The following TAOK2 variants were observed in gnomAD, a reference collection of about 807,000 sequenced individuals.
The protein encoded by TAOK2 is TAO kinase 2, also known as serine/threonine-protein kinase TAO2.
In TAOK2, 42 loss-of-function variants were observed where a neutral mutation model predicts 122.5. The ratio of observed to expected loss-of-function variants is 0.34; its 90% CI spans 0.27 to 0.44. The LOEUF (loss-of-function observed/expected upper bound fraction) is 0.44. TAOK2 is among the 20% of genes least tolerant of loss of function. TAOK2 has a pLI of 1.00. For synonymous variants in TAOK2, 704 were observed against 677.6 expected (o/e 1.04, Z -0.61); for missense variants, 1,264 against 1,644.9 (o/e 0.77, Z 4.01).
At position 29,979,157 on chromosome 16, in the gene TAOK2, GA is replaced by G. The variant is rs1476246510; in HGVS notation, c.450-37del. On this transcript the variant is annotated intron_variant, in intron 6 of 15. Transcript: ENST00000308893. This position sits in a 1 kb window ranked among gnomAD's most constrained non-coding sequence, Gnocchi z 4.1. ...TGGGCTGCCCCTGCCTAGCTTTCTT[GA>G]GACACATGTCTCATCCCTGTACTTT... The G allele has an allele frequency of 1.9e-6, 3 of 1,613,564 alleles. No homozygotes were observed. Among genetic ancestry groups the G allele is most frequent in the Non-Finnish European group, 2.5e-6 (3 of 1,179,616 alleles).
In TAOK2 at chr16:29,981,952, C is replaced by T. The variant is rs1038595671; in HGVS notation, c.831+12C>T. On this transcript the variant is annotated intron_variant, in intron 10 of 15. Coordinates refer to ENST00000308893, the MANE Select transcript of TAOK2 (RefSeq NM_016151.4). ...AGGTTCTCCTGAAGGTGAGGGCCTG[C>T]TGGCCTAGCATTCTCCTGGAACTGT... 1 of 1,605,536 alleles carries T rather than the reference C, an allele frequency of 6.2e-7. No homozygotes were observed. The highest frequency in any genetic ancestry group is 8.5e-7 in the Non-Finnish European group (1 of 1,173,456).
At chr16:29,990,611 G>C (rs2069943350), downstream of TAOK2, 1 of 548,044 alleles carries the variant, frequency 1.8e-6, no homozygotes, top group Non-Finnish European at 3.0e-6. Flanking sequence ...AGTATACCTG[G>C]GGGATAGATT....
downstream of TAOK2, chr16:29,991,816 C>T (rs2069976538): frequency 2.4e-6 from 1 of 422,724 alleles, no homozygotes; most frequent in Non-Finnish European, 4.1e-6. This position sits in a 1 kb window ranked among gnomAD's most constrained non-coding sequence, Gnocchi z 5.6. Flanking sequence ...CTCCCTCCGC[C>T]ACCTAGGAAA....
Position 29,985,994 on chromosome 16 carries a change from C to G in TAOK2, c.1992+133C>G, listed in dbSNP as rs984975126. 5.1e-6 allele frequency: 6 copies of G among 1,173,666 alleles called. No individual in the cohort carries two copies. In the East Asian group the frequency reaches 1.5e-4, roughly 30 times the overall value. 72.7% of individuals were successfully genotyped at this position (1,173,666 alleles called of 1,614,324 possible). ...TACAGTTCAGCTTTGCTTCAGTGCC[C>G]CTTTTACTTCTCATCCCCAACAGAC... On this transcript the variant is annotated intron_variant, in intron 15 of 15. Transcript: ENST00000308893. The surrounding 1 kb of genome is among the most constrained non-coding windows in gnomAD (Gnocchi z 6.9).
rs2069874037 is a variant in TAOK2, at chr16:29,988,134, G to T, written c.*154G>T. 5 of 1,432,174 alleles carry T rather than the reference G, an allele frequency of 3.5e-6. No homozygotes were observed. Among genetic ancestry groups the T allele is most frequent in the Non-Finnish European group, 4.6e-6 (5 of 1,098,106 alleles). 88.7% of individuals were successfully genotyped at this position (1,432,174 alleles called of 1,614,324 possible). A position where few individuals can be genotyped will look rare whatever the true frequency, so the allele number is the denominator to read the frequency against. On this transcript the variant is annotated 3_prime_UTR_variant, in exon 16 of 16. Coordinates refer to ENST00000308893, the MANE Select transcript of TAOK2 (RefSeq NM_016151.4). Reference sequence around the variant, plus strand: ...CCCAGCCCTTCGGACCTCTAGACAGGCAGCCTCCTCAGCTGTGGAGTCCAG... The same window carrying T: ...CCCAGCCCTTCGGACCTCTAGACAGTCAGCCTCCTCAGCTGTGGAGTCCAG...
In TAOK2 at chr16:29,974,209, GGTAACAGTCCTCATA is replaced by G. The variant is rs1332902292; in HGVS notation, c.-472_-458del. Reference sequence around the variant, plus strand: ...CCCCTCCTCCTTTCTCAGATACCCGGGTAACAGTCCTCATAGTCCAGATATCCGGGACTCGGGTCC... The same window carrying G: ...CCCCTCCTCCTTTCTCAGATACCCGGGTCCAGATATCCGGGACTCGGGTCC... On this transcript the variant is annotated 5_prime_UTR_variant, in exon 1 of 16. Coordinates refer to ENST00000308893, the MANE Select transcript of TAOK2 (RefSeq NM_016151.4). 5 of 152,502 alleles carry G rather than the reference GGTAACAGTCCTCATA, an allele frequency of 3.3e-5. No homozygotes were observed. In the East Asian group the frequency reaches 7.7e-4, roughly 24 times the overall value. The allele number at this position is 152,502 out of a possible 1,614,324, so 9.4% of individuals were successfully genotyped here.
intron 4 of TAOK2, among the ~76,000 whole-genome samples, 161 bp downstream of exon 4, chr16:29,978,514 G>A (rs1481958214): frequency 6.6e-6 from 1 of 152,180 alleles, no homozygotes; most frequent in African/African-American, 2.4e-5. Context: ...TACCCACTGA[G>A]CAAAAGCCTG....
At chr16:29,975,964 AG>A (rs1191940232) in intron 1 of TAOK2, among the ~76,000 whole-genome samples, 2 of 152,242 alleles carry the variant, frequency 1.3e-5, no homozygotes, top group Non-Finnish European at 2.9e-5. Flanking sequence ...AGCATAGCTT[AG>A]GAACAGATAG....
Position 29,986,544 on chromosome 16 carries a change from ATTCCTGGG to A in TAOK2, c.2273_2280del (p.Ile758SerfsTer65). Reference sequence around the variant, plus strand: ...GCGCCCCCCGGGCCTTCCACTCCCCATTCCTGGGGCTCTGGGCCCACCCAACACAGGCA... The same window carrying A: ...GCGCCCCCCGGGCCTTCCACTCCCCAGCTCTGGGCCCACCCAACACAGGCA... On this transcript the variant is annotated frameshift_variant, in exon 16 of 16. Coordinates refer to ENST00000308893, the MANE Select transcript of TAOK2 (RefSeq NM_016151.4). LOFTEE classifies it high-confidence loss of function. This position sits in a 1 kb window ranked among gnomAD's most constrained non-coding sequence, Gnocchi z 4.2. 1 of 1,613,646 alleles carries A rather than the reference ATTCCTGGG, an allele frequency of 6.2e-7. No individual in the cohort carries two copies. The highest frequency in any genetic ancestry group is 8.5e-7 in the Non-Finnish European group (1 of 1,179,848).
chr16:29,983,547 C>T lies in TAOK2; in HGVS notation c.1305C>T (p.Thr435=). The part of the protein sequence containing the change: ...LYDDPYQPEI[T]PSPLQPPAAP... ...ATGACCCCTACCAGCCAGAGATAAC[C>T]CCCAGCCCTCTCCAGCCGCCTGCAG... Residue 435 remains threonine, a synonymous_variant, in exon 13 of 16, where the codon ACC becomes ACT. Coordinates refer to ENST00000308893, the MANE Select transcript of TAOK2 (RefSeq NM_016151.4). 1 of 1,613,924 alleles carries T rather than the reference C, an allele frequency of 6.2e-7. No homozygotes were observed.
rs1234073466 is a variant in TAOK2 at position 29,981,747 on chromosome 16, G to A, written c.742G>A (p.Gly248Arg). The change falls in exon 9 of 16, where the codon GGA becomes AGA. Residue 248 changes from glycine to arginine, a missense_variant. By Grantham distance (125) the Gly-to-Arg change is moderately radical. Transcript: ENST00000308893. ...AQNESPVLQS[G>R]HWSEYFRNFV... is the part of the protein sequence containing the mutation. The stretch of plus-strand genomic sequence containing the variant: ...GAACGAATCCCCCGTGCTCCAGTCA[G>A]GACACTGGTGAGGACTGAGATTCCG... 38 of 1,614,018 alleles carry A rather than the reference G, an allele frequency of 2.4e-5. No homozygotes were observed. Among genetic ancestry groups the A allele is most frequent in the Non-Finnish European group, 3.1e-5 (37 of 1,180,006 alleles).
chr16:29,985,801 C>T lies in TAOK2; in HGVS notation c.1932C>T (p.Arg644=). The T allele has an allele frequency of 3.1e-6, 5 of 1,611,886 alleles. No homozygotes were observed. The highest frequency in any genetic ancestry group is 3.4e-6 in the Non-Finnish European group (4 of 1,179,874). ...RQRQYFELQC[R]QYKRKMLLAR... ...GCCAGTACTTTGAGCTGCAGTGTCG[C>T]CAGTACAAGCGCAAGATGTTGCTGG... The change falls in exon 15 of 16, where the codon CGC becomes CGT. Residue 644 remains arginine, a synonymous_variant. Transcript: ENST00000308893. The surrounding 1 kb of genome is among the most constrained non-coding windows in gnomAD (Gnocchi z 6.9).
rs952478024 is a variant in TAOK2 at position 29,986,186 on chromosome 16, C to T, written c.1993-79C>T. 2.0e-6 allele frequency: 3 copies of T among 1,496,610 alleles called. No homozygotes were observed. Among genetic ancestry groups the T allele is most frequent in the South Asian group, 2.8e-5 (2 of 71,372 alleles). 92.7% of individuals were successfully genotyped at this position (1,496,610 alleles called of 1,614,324 possible). ...CCTGTGTTTCTTCCGCCATCCCCAG[C>T]TCCCTCTGCCAAGGAGCCCTGGCCT... On this transcript the variant is annotated intron_variant, in intron 15 of 15. Transcript: ENST00000308893. The surrounding 1 kb of genome is among the most constrained non-coding windows in gnomAD (Gnocchi z 4.2).
In TAOK2 at chr16:29,987,267, C is replaced by G; in HGVS notation, c.2995C>G (p.Leu999Val). Reference protein sequence around the residue: ...LLALEVGLVGLGASYLLLCTA... With the variant: ...LLALEVGLVGVGASYLLLCTA... ...GGCCCTTGAGGTGGGGCTGGTGGGT[C>G]TGGGGGCCTCCTACCTGCTCCTTTG... Residue 999 changes from leucine (L) to valine (V), a missense_variant, in exon 16 of 16, where the codon CTG becomes GTG. Physicochemically the swap from Leu to Val is conservative, Grantham distance 32. This residue lies in a region of TAOK2 where 824 missense variants were observed against 908.7 expected (regional missense o/e 0.91). Transcript: ENST00000308893. The G allele has an allele frequency of 6.5e-7, 1 of 1,527,818 alleles. No individual in the cohort carries two copies. Among genetic ancestry groups the G allele is most frequent in the Non-Finnish European group, 8.8e-7 (1 of 1,142,250 alleles). The allele number at this position is 1,527,818 out of a possible 1,614,324, so 94.6% of individuals were successfully genotyped here.
rs1596604847 is a variant in TAOK2, at chr16:29,982,586, G to A, written c.832-148G>A. 12 of 840,864 alleles carry A rather than the reference G, an allele frequency of 1.4e-5. No individual in the cohort carries two copies. In the South Asian group the frequency reaches 2.0e-4, roughly 14 times the overall value. 52.1% of individuals were successfully genotyped at this position (840,864 alleles called of 1,614,324 possible). A position where few individuals can be genotyped will look rare whatever the true frequency, so the allele number is the denominator to read the frequency against. On this transcript the variant is annotated intron_variant, in intron 10 of 15. Coordinates refer to ENST00000308893, the MANE Select transcript of TAOK2 (RefSeq NM_016151.4). ...TAGGTACTGGGTGGTACAGAAAATT[G>A]TGAGAGAAGGGCTTGGGATAAGGCC...
In TAOK2 at chr16:29,987,843, C is replaced by G; in HGVS notation, c.3571C>G (p.Pro1191Ala). The change falls in exon 16 of 16, where the codon CCC becomes GCC. Residue 1191 changes from proline to alanine, a missense_variant. By Grantham distance (27) the Pro-to-Ala change is conservative. Around this residue, in one of 4 missense-constraint regions of TAOK2, gnomAD observed 824 missense variants for 908.7 expected, o/e 0.91. Coordinates refer to ENST00000308893, the MANE Select transcript of TAOK2 (RefSeq NM_016151.4). ...CTGGGGCCTGCTTCGGGGTGAACGG[C>G]CCACCCGAATCCCCCGGCTACTACC... ...ASWGLLRGERPTRIPRLLPRS... is the reference protein window; with the variant it reads ...ASWGLLRGERATRIPRLLPRS... 6.2e-7 allele frequency: 1 copy of G among 1,611,690 alleles called. No homozygotes were observed. Among genetic ancestry groups the G allele is most frequent in the Non-Finnish European group, 8.5e-7 (1 of 1,179,548 alleles).
downstream of TAOK2, chr16:29,990,917 G>A (rs754091574): frequency 3.7e-6 from 6 of 1,613,382 alleles, no homozygotes; most frequent in East Asian, 2.2e-5. Flanking sequence ...AGGGAGCTGC[G>A]GGAGCTGGAG....
At chr16:29,990,971 G>A, downstream of TAOK2, 1 of 1,610,182 alleles carries the variant, frequency 6.2e-7, no homozygotes, top group Non-Finnish European at 8.5e-7. Flanking sequence ...CAGCGGGTAA[G>A]GGGCCCAGCC....
rs1427910439 is a variant in TAOK2 at position 29,987,885 on chromosome 16, C to T, written c.3613C>T (p.Leu1205=). The change falls in exon 16 of 16, where the codon CTA becomes TTA. Residue 1205 remains leucine (L), a synonymous_variant. Coordinates refer to ENST00000308893, the MANE Select transcript of TAOK2 (RefSeq NM_016151.4). The part of the protein sequence containing the change: ...PRLLPRSQRQ[L]GPPASRQPLP... ...GCTACTACCACGCAGCCAGCGCCAG[C>T]TAGGGCCCCCTGCCTCCCGCCAGCC... The T allele has an allele frequency of 6.3e-7, 1 of 1,598,800 alleles. No individual in the cohort carries two copies. Among genetic ancestry groups the T allele is most frequent in the Non-Finnish European group, 8.5e-7 (1 of 1,175,854 alleles).
Sources: gnomAD v4.1 joint callset for allele counts (sites outside exome capture counted in the v4.1 genomes callset) on GRCh38, gnomAD v4.1.1 for gene constraint, gnomAD v4.1.1 regional missense constraint, Gnocchi (gnomAD v3.1) non-coding constraint, MANE v1.5 for transcripts, NCBI Gene and HGNC (gene_info 2026-07-23, HGNC 2026-07-21) for gene names.